The following EPG5 variants were observed in gnomAD, a reference collection of about 807,000 sequenced individuals.
EPG5 encodes ectopic P-granules 5 autophagy tethering factor, also known as ectopic P granules protein 5 homolog.
EPG5 carries 159 observed loss-of-function variants against 302.7 expected under a neutral mutation model. That is an observed-to-expected ratio of 0.53 (90% CI 0.46 to 0.60). The LOEUF (loss-of-function observed/expected upper bound fraction) is 0.60. EPG5 is among the 20% of genes least tolerant of loss of function. The pLI is 0.00. For missense variants in EPG5, 2,896 were observed against 3,092.4 expected, an observed-to-expected ratio of 0.94 and a Z score of 1.51; for synonymous variants, 1,158 against 1,136.8, an observed-to-expected ratio of 1.02 and a Z score of -0.37.
In EPG5 at chr18:45,943,239, T is replaced by C. The variant is rs1568176728; in HGVS notation, c.1865A>G (p.Glu622Gly). 1 of 1,614,170 alleles carries C rather than the reference T, an allele frequency of 6.2e-7. No homozygotes were observed. Among genetic ancestry groups the C allele is most frequent in the East Asian group, 2.2e-5 (1 of 44,868 alleles). ...GGTTTCTAACCCCACAGCCAGAAGT[T>C]CCACTAGTGAGTTGGCAAAGGCAAA... ...KIFAFANSLV[E>G]LLAVGLETFN... The change falls in exon 9 of 44, where the codon GAA becomes GGA. Residue 622 changes from glutamate to glycine, a missense_variant. Transcript: ENST00000282041.
At chr18:45,918,747 T>C (rs2050086265) in intron 16 of EPG5, among the ~76,000 whole-genome samples, 1 of 152,178 alleles carries the variant, frequency 6.6e-6, no homozygotes, top group Non-Finnish European at 1.5e-5. Context: ...ACACTTCTGC[T>C]ATAAAGATAC....
intron 21 of EPG5, among the ~76,000 whole-genome samples, chr18:45,913,120 A>C (rs936898663): frequency 2.0e-5 from 3 of 152,138 alleles, no homozygotes; most frequent in Non-Finnish European, 2.9e-5. Flanking sequence ...AGAAAAAAAG[A>C]AAATGTCACT....
chr18:45,867,627 A>G lies in EPG5; in HGVS notation c.6347T>C (p.Met2116Thr). The change falls in exon 37 of 44, where the codon ATG becomes ACG. Residue 2116 changes from methionine to threonine, a missense_variant. Met to Thr is a moderately conservative substitution (Grantham distance 81). Coordinates refer to ENST00000282041, the MANE Select transcript of EPG5 (RefSeq NM_020964.3). ...CATCATGAAAAGGAGGCAGACAATC[A>G]TGCTGCGGGTTTCTGGGTGGGGACT... The part of the protein sequence containing the change: ...NSSPHPETRS[M>T]IVCLLFMMIL... The G allele has an allele frequency of 6.2e-7, 1 of 1,614,078 alleles. No individual in the cohort carries two copies. The highest frequency in any genetic ancestry group is 8.5e-7 in the Non-Finnish European group (1 of 1,179,980).
chr18:45,914,521 A>G (rs553220401), intron 20 of EPG5, among the ~76,000 whole-genome samples: 5 of 152,262 alleles, frequency 3.3e-5, no homozygotes, highest in Non-Finnish European at 7.3e-5. Context: ...TGCTGATGAT[A>G]ATAATAACAA....
intron 24 of EPG5, among the ~76,000 whole-genome samples, chr18:45,905,110 C>T (rs975275406): frequency 6.6e-6 from 1 of 152,108 alleles, no homozygotes; most frequent in Non-Finnish European, 1.5e-5. Flanking sequence ...GTAACCTCTC[C>T]CTACACTCCC....
the EPG5 span, among the ~76,000 whole-genome samples, chr18:45,822,620 A>G: frequency 1.3e-5 from 2 of 152,342 alleles, no homozygotes; most frequent in African/African-American, 2.4e-5. Flanking sequence ...TGTGGTCACT[A>G]GACATTGTAT....
At position 45,883,244 on chromosome 18, in the gene EPG5, G is replaced by A. The variant is rs570642532; in HGVS notation, c.5305-757C>T. On this transcript the variant is annotated intron_variant, in intron 30 of 43. Transcript: ENST00000282041. Reference sequence around the variant, plus strand: ...TCTCCAAGAACTGGATCAGAACTTCGTAGCTCTCCTTCACTGGCGACAGTG... The same window carrying A: ...TCTCCAAGAACTGGATCAGAACTTCATAGCTCTCCTTCACTGGCGACAGTG... Among the ~76,000 whole-genome samples the A allele has an allele frequency of 5.3e-5, 8 of 152,090 alleles. No individual in the cohort carries two copies. In the South Asian group the frequency reaches 6.2e-4, roughly 12 times the overall value.
At chr18:45,845,877 T>C (rs1166906611), downstream of EPG5, among the ~76,000 whole-genome samples, 1 of 152,210 alleles carries the variant, frequency 6.6e-6, no homozygotes, top group Non-Finnish European at 1.5e-5. Context: ...ACACTTTCCC[T>C]GCTGCCAACT....
intron 16 of EPG5, among the ~76,000 whole-genome samples, chr18:45,919,072 T>C (rs775259445): frequency 6.6e-6 from 1 of 151,934 alleles, no homozygotes; most frequent in Non-Finnish European, 1.5e-5. Context: ...AAAGGAAAAA[T>C]GATGGATGAA....
At chr18:45,801,975 C>G in the EPG5 span, among the ~76,000 whole-genome samples, 1 of 152,206 alleles carries the variant, frequency 6.6e-6, no homozygotes, top group Non-Finnish European at 1.5e-5. Flanking sequence ...GCCTCATCAG[C>G]TCTGATGGCG....
chr18:45,840,137 T>C, the EPG5 span: 2 of 1,535,862 alleles, frequency 1.3e-6, no homozygotes, highest in African/African-American at 2.7e-5. Context: ...CCACATGGCA[T>C]GGGTGGGGGT....
chr18:45,902,493 A>T (rs1287633724), intron 25 of EPG5, among the ~76,000 whole-genome samples: 1 of 152,226 alleles, frequency 6.6e-6, no homozygotes, highest in African/African-American at 2.4e-5. Flanking sequence ...AAAAACAAAC[A>T]AACAAAAAAT....
At chr18:45,837,280 G>A in the EPG5 span, among the ~76,000 whole-genome samples, 1 of 152,178 alleles carries the variant, frequency 6.6e-6, no homozygotes, top group Non-Finnish European at 1.5e-5. Flanking sequence ...CGGGAACGCA[G>A]GCACTCCCAA....
chr18:45,906,279 G>A (rs905949624), intron 24 of EPG5, among the ~76,000 whole-genome samples: 32 of 152,234 alleles, frequency 2.1e-4, no homozygotes, highest in African/African-American at 6.3e-4. Flanking sequence ...AATAACTGCT[G>A]CTATTTCAAT....
the EPG5 span, among the ~76,000 whole-genome samples, chr18:45,833,368 G>A: frequency 4.6e-5 from 7 of 152,260 alleles, no homozygotes; most frequent in South Asian, 4.2e-4. Context: ...CCAGGCTGGA[G>A]TACAGTGGTG....
the EPG5 span, among the ~76,000 whole-genome samples, chr18:45,833,986 C>T: frequency 1.3e-5 from 2 of 152,152 alleles, no homozygotes; most frequent in Non-Finnish European, 2.9e-5. Flanking sequence ...GATGAGGACT[C>T]CGCAGAGCAC....
intron 1 of EPG5, among the ~76,000 whole-genome samples, chr18:45,965,531 T>G (rs2051229248): frequency 6.6e-6 from 1 of 152,236 alleles, no homozygotes. Context: ...GTATGGTACC[T>G]ATGAACACTA....
At chr18:45,953,151 C>A (rs1031165899) in intron 2 of EPG5, 2 of 372,504 alleles carry the variant, frequency 5.4e-6, no homozygotes, top group South Asian at 1.1e-4. Flanking sequence ...CCAGCCTGGG[C>A]GACAGAGCTA....
chr18:45,819,230 G>T, the EPG5 span, among the ~76,000 whole-genome samples: 1 of 152,116 alleles, frequency 6.6e-6, no homozygotes, highest in Admixed American at 6.5e-5. Context: ...TCTGGAATAT[G>T]GATTAAGAAT....
Sources: gnomAD v4.1 joint callset for allele counts (sites outside exome capture counted in the v4.1 genomes callset) on GRCh38, gnomAD v4.1.1 for gene constraint, MANE v1.5 for transcripts, NCBI Gene and HGNC (gene_info 2026-07-23, HGNC 2026-07-21) for gene names.